The following CTNNBL1 variants were observed in gnomAD, a reference collection of about 807,000 sequenced individuals.
CTNNBL1 encodes beta-catenin-like protein 1.
Under a neutral mutation model 72.7 loss-of-function variants are expected in CTNNBL1, and 31 were observed. The observed-to-expected ratio is 0.43, with a 90% CI of 0.32 to 0.58. The LOEUF is 0.58. Among genes scored for constraint, CTNNBL1 ranks in the 20% least tolerant of loss-of-function variants. The pLI is 0.08. For synonymous variants in CTNNBL1, 240 were observed against 267.3 expected, an observed-to-expected ratio of 0.90 and a Z score of 1.00; for missense variants, 534 against 725.1, an observed-to-expected ratio of 0.74 and a Z score of 3.03.
intron 4 of CTNNBL1, among the ~76,000 whole-genome samples, chr20:37,748,133 T>C (rs2073284334): frequency 6.6e-6 from 1 of 152,228 alleles, no homozygotes; most frequent in Non-Finnish European, 1.5e-5. Flanking sequence ...GCTTGAGTGA[T>C]ATTCACAGGG....
intron 10 of CTNNBL1, among the ~76,000 whole-genome samples, chr20:37,795,453 G>A (rs936214073): frequency 3.3e-5 from 5 of 152,168 alleles, no homozygotes; most frequent in South Asian, 2.1e-4. Flanking sequence ...ATTATAAATT[G>A]TGTATTATAA....
At chr20:37,765,435 A>C (rs1033476546) in intron 6 of CTNNBL1, 145 bp downstream of exon 6, 4 of 592,580 alleles carry the variant, frequency 6.8e-6, no homozygotes, top group African/African-American at 3.7e-5. Flanking sequence ...TCAGAAATGA[A>C]GACCTTTGTG....
chr20:37,705,535 G>A (rs921468980), intron 1 of CTNNBL1, among the ~76,000 whole-genome samples: 1 of 152,046 alleles, frequency 6.6e-6, no homozygotes, highest in Admixed American at 6.6e-5. Flanking sequence ...GGAGATTAAG[G>A]TTCAGAATCC....
intron 10 of CTNNBL1, among the ~76,000 whole-genome samples, chr20:37,786,476 G>GT (rs200850758): frequency 3.0e-4 from 46 of 151,794 alleles, no homozygotes; most frequent in African/African-American, 1.0e-3. Context: ...AATTGGATTT[G>GT]TTTTTTTTGG....
rs78635112 is a variant in CTNNBL1 at position 37,855,877 on chromosome 20, C to T, written c.1393-4022C>T. 5.9e-3 allele frequency among the ~76,000 whole-genome samples: 906 copies of T among 152,290 alleles called. 8 individuals are homozygous for T. The highest frequency in any genetic ancestry group is 0.021 in the African/African-American group (860 of 41,558). On this transcript the variant is annotated intron_variant, in intron 13 of 15. Coordinates refer to ENST00000361383, the MANE Select transcript of CTNNBL1 (RefSeq NM_030877.5). Reference sequence around the variant, plus strand: ...GCCATGCAAATCTCAGCACACACAGCTCATTAAATAGCTTTGAACCTCTCC... The same window carrying T: ...GCCATGCAAATCTCAGCACACACAGTTCATTAAATAGCTTTGAACCTCTCC...
intron 13 of CTNNBL1, among the ~76,000 whole-genome samples, chr20:37,854,037 A>G (rs2072418265): frequency 6.6e-6 from 1 of 152,210 alleles, no homozygotes; most frequent in Non-Finnish European, 1.5e-5. Flanking sequence ...GAGATGAGCT[A>G]TAGTCGTATC....
intron 4 of CTNNBL1, among the ~76,000 whole-genome samples, chr20:37,756,075 A>G (rs1050471154): frequency 1.3e-5 from 2 of 151,892 alleles, no homozygotes; most frequent in South Asian, 2.1e-4. Flanking sequence ...TTTGCTTTCT[A>G]GTCTCCCTGT....
At chr20:37,859,824 T>C in intron 13 of CTNNBL1, 75 bp from the exon 14 acceptor site, 11 of 1,497,510 alleles carry the variant, frequency 7.3e-6, no homozygotes, top group Non-Finnish European at 1.0e-5. Context: ...GTGTGTATTA[T>C]GGCCAGACTA....
At chr20:37,717,181 G>A (rs924734536) in intron 1 of CTNNBL1, among the ~76,000 whole-genome samples, 36 of 152,234 alleles carry the variant, frequency 2.4e-4, no homozygotes, top group Non-Finnish European at 3.2e-4. Context: ...AGGGAATGCA[G>A]TTTTACGTTT....
At chr20:37,694,251 G>C in intron 1 of CTNNBL1, 99 bp downstream of exon 1, 1 of 1,132,958 alleles carries the variant, frequency 8.8e-7, no homozygotes, top group South Asian at 1.7e-5. Flanking sequence ...CCTCACTCCC[G>C]GGCCCTCTAA....
intron 3 of CTNNBL1, among the ~76,000 whole-genome samples, chr20:37,745,184 G>A (rs1251391286): frequency 6.6e-6 from 1 of 152,156 alleles, no homozygotes; most frequent in Non-Finnish European, 1.5e-5. Context: ...ATATGGGCAT[G>A]TTTTAAAGAA....
chr20:37,847,136 C>G (rs2072353842), intron 13 of CTNNBL1, among the ~76,000 whole-genome samples: 1 of 152,124 alleles, frequency 6.6e-6, no homozygotes, highest in South Asian at 2.1e-4. Flanking sequence ...GTGATTAGAC[C>G]TGCCACCAAA....
At chr20:37,795,041 A>G (rs1170811039) in intron 10 of CTNNBL1, among the ~76,000 whole-genome samples, 2 of 148,920 alleles carry the variant, frequency 1.3e-5, no homozygotes, top group Non-Finnish European at 3.0e-5. Flanking sequence ...GAGTTTATGT[A>G]GTTTTTTTCA....
At position 37,842,424 on chromosome 20, in the gene CTNNBL1, G is replaced by A; in HGVS notation, c.1392+5G>A. 6.2e-7 allele frequency: 1 copy of A among 1,608,952 alleles called. No individual in the cohort carries two copies. Among genetic ancestry groups the A allele is most frequent in the Non-Finnish European group, 8.5e-7 (1 of 1,175,288 alleles). On this transcript the variant is annotated splice_donor_5th_base_variant and intron_variant, in intron 13 of 15. Transcript: ENST00000361383. ...AAGATTGAAGGGGAAAAACACGTAT[G>A]TATCCCTGCCTCACTTTTGCCAGCT...
intron 3 of CTNNBL1, among the ~76,000 whole-genome samples, chr20:37,740,672 A>G (rs1476173842): frequency 6.6e-6 from 1 of 152,230 alleles, no homozygotes. Context: ...AGTGCTTAGA[A>G]AATTCTGGCA....
intron 1 of CTNNBL1, among the ~76,000 whole-genome samples, chr20:37,719,693 A>G (rs775324781): frequency 9.2e-5 from 14 of 152,194 alleles, no homozygotes; most frequent in Non-Finnish European, 1.8e-4. Flanking sequence ...TTTAAATGTA[A>G]TAACCTTAGA....
At chr20:37,733,333 T>A (rs1402434528) in intron 2 of CTNNBL1, among the ~76,000 whole-genome samples, 3 of 152,152 alleles carry the variant, frequency 2.0e-5, no homozygotes, top group African/African-American at 7.2e-5. Flanking sequence ...TGGATCTTAC[T>A]GAGGACACAT....
At chr20:37,756,483 T>TGTGA (rs1462479470) in intron 4 of CTNNBL1, 40 of 149,904 alleles carry the variant, frequency 2.7e-4, no homozygotes, top group African/African-American at 9.8e-4. Context: ...TGTGTGTGTG[T>TGTGA]GAGAGAGAGA....
At chr20:37,714,015 G>C (rs1342897859) in intron 1 of CTNNBL1, among the ~76,000 whole-genome samples, 1 of 151,996 alleles carries the variant, frequency 6.6e-6, no homozygotes, top group Non-Finnish European at 1.5e-5. Context: ...AAGATACCCA[G>C]TAAGTAGATG....
Sources: gnomAD v4.1 joint callset for allele counts (sites outside exome capture counted in the v4.1 genomes callset) on GRCh38, gnomAD v4.1.1 for gene constraint, MANE v1.5 for transcripts, NCBI Gene and HGNC (gene_info 2026-07-23, HGNC 2026-07-21) for gene names.